Variants in RIT2 observed in about 807,000 individuals in gnomAD.
RIT2 encodes Ras like without CAAX 2.
In RIT2, 24 loss-of-function variants were observed where a neutral mutation model predicts 23.7. That is an observed-to-expected ratio of 1.01 (90% CI 0.73 to 1.43). The LOEUF (loss-of-function observed/expected upper bound fraction) is 1.43, where lower values mean the gene tolerates loss of function less well. RIT2 is among the 40% of genes most tolerant of loss of function. RIT2 has a pLI of 0.00. For missense variants in RIT2, 236 were observed against 266.9 expected (o/e 0.88, Z 0.81); for synonymous variants, 107 against 91.1 (o/e 1.17, Z -0.99).
intron 4 of RIT2, among the ~76,000 whole-genome samples, chr18:42,904,203 A>C (rs1200922889): frequency 6.6e-6 from 1 of 152,202 alleles, no homozygotes; most frequent in Non-Finnish European, 1.5e-5. Context: ...TTGCATCATA[A>C]ACCAAATAAA....
chr18:42,860,625 C>T (rs908470511), intron 4 of RIT2, among the ~76,000 whole-genome samples: 2 of 152,146 alleles, frequency 1.3e-5, no homozygotes, highest in South Asian at 2.1e-4. Flanking sequence ...ACTGAGAATA[C>T]CCTCTCTAGG....
At position 42,880,139 on chromosome 18, in the gene RIT2, G is replaced by C. The variant is rs151193319; in HGVS notation, c.426+43433C>G. 5.0e-3 allele frequency among the ~76,000 whole-genome samples: 754 copies of C among 152,148 alleles called. 1 individual carries two copies. The highest frequency in any genetic ancestry group is 5.4e-3 in the Non-Finnish European group (366 of 68,006). On this transcript the variant is annotated intron_variant, in intron 4 of 4. Transcript: ENST00000326695. ...CCAATCTTTTTGTACCTGGGAGAGG[G>C]ATAATAGTATAGTTGTGTGGCAAAA...
intron 4 of RIT2, among the ~76,000 whole-genome samples, chr18:42,916,006 G>C (rs1908900346): frequency 6.6e-6 from 1 of 151,652 alleles, no homozygotes; most frequent in South Asian, 2.1e-4. Flanking sequence ...TAGGTTCTAT[G>C]CTCTTATAGT....
intron 4 of RIT2, among the ~76,000 whole-genome samples, chr18:42,839,875 CTA>C (rs571015003): frequency 2.1e-3 from 318 of 152,294 alleles, no homozygotes; most frequent in African/African-American, 7.2e-3. Flanking sequence ...CCATTCCACT[CTA>C]TGTCAGACTT....
At chr18:42,886,264 A>T (rs1908019964) in intron 4 of RIT2, among the ~76,000 whole-genome samples, 1 of 152,236 alleles carries the variant, frequency 6.6e-6, no homozygotes, top group African/African-American at 2.4e-5. Context: ...CAACAGAGGA[A>T]TGAGTACTTT....
Position 42,926,991 on chromosome 18 carries a change from C to T in RIT2, c.235-3228G>A, listed in dbSNP as rs1944408. Among the ~76,000 whole-genome samples, 1,037 of 152,006 alleles carry T rather than the reference C, an allele frequency of 6.8e-3. 18 individuals carry two copies. The highest frequency in any genetic ancestry group is 0.024 in the African/African-American group (991 of 41,522). ...TTTGTTAAAGATGGATTAGGACACACACTTAACCAGTCTTACAGGGCAGTA... is the reference window on the plus strand; with the variant it reads ...TTTGTTAAAGATGGATTAGGACACATACTTAACCAGTCTTACAGGGCAGTA... On this transcript the variant is annotated intron_variant, in intron 3 of 4. Transcript: ENST00000326695.
intron 4 of RIT2, among the ~76,000 whole-genome samples, chr18:42,763,673 C>A (rs900926326): frequency 6.6e-6 from 1 of 152,086 alleles, no homozygotes; most frequent in Non-Finnish European, 1.5e-5. Context: ...TTAAATTAAT[C>A]TCAGCTGACT....
intron 4 of RIT2, among the ~76,000 whole-genome samples, chr18:42,838,372 A>C (rs548619241): frequency 6.6e-5 from 10 of 151,958 alleles, no homozygotes; most frequent in Non-Finnish European, 1.3e-4. Flanking sequence ...ATGGACTGGA[A>C]TCCTGATGGA....
At chr18:42,806,362 G>A (rs1905684635) in intron 4 of RIT2, among the ~76,000 whole-genome samples, 1 of 151,864 alleles carries the variant, frequency 6.6e-6, no homozygotes, top group African/African-American at 2.4e-5. Flanking sequence ...CCAGCTACTT[G>A]GGAGGATGAG....
chr18:42,972,848 G>A (rs560889216), intron 3 of RIT2, among the ~76,000 whole-genome samples: 1 of 151,862 alleles, frequency 6.6e-6, no homozygotes, highest in Non-Finnish European at 1.5e-5. Context: ...GAAGTATTCT[G>A]TTTAAGTTAA....
chr18:43,114,354 C>A (rs1214377831), intron 1 of RIT2, among the ~76,000 whole-genome samples: 2 of 152,028 alleles, frequency 1.3e-5, no homozygotes, highest in Non-Finnish European at 2.9e-5. Flanking sequence ...CTTCCTCTTC[C>A]TTTACTGTTC....
At chr18:42,940,095 G>T (rs1909558923) in intron 3 of RIT2, among the ~76,000 whole-genome samples, 1 of 151,134 alleles carries the variant, frequency 6.6e-6, no homozygotes, top group African/African-American at 2.4e-5. Context: ...TACATTTTAT[G>T]CCCCCATGCA....
At chr18:43,110,261 T>C (rs887722321) in intron 1 of RIT2, among the ~76,000 whole-genome samples, 10 of 152,098 alleles carry the variant, frequency 6.6e-5, no homozygotes, top group African/African-American at 2.2e-4. Context: ...ATACCCACTA[T>C]GTACCCATAA....
chr18:42,952,481 T>C (rs1022009724), intron 3 of RIT2, among the ~76,000 whole-genome samples: 1 of 152,054 alleles, frequency 6.6e-6, no homozygotes, highest in South Asian at 2.1e-4. Flanking sequence ...CTATAGTTAG[T>C]GATACTGTAT....
intron 1 of RIT2, among the ~76,000 whole-genome samples, chr18:43,063,760 A>C (rs1327710799): frequency 6.6e-6 from 1 of 152,180 alleles, no homozygotes; most frequent in Non-Finnish European, 1.5e-5. Context: ...CAAGGACTGC[A>C]TACTTCTTTC....
chr18:42,873,297 A>G (rs73471636), intron 4 of RIT2, among the ~76,000 whole-genome samples: 19,809 of 152,158 alleles, frequency 0.13, 1,319 homozygotes, highest in Middle Eastern at 0.26. Flanking sequence ...TTCCCTAAGG[A>G]CAGAAGCCTT....
chr18:42,805,363 T>C (rs1284947840), intron 4 of RIT2, among the ~76,000 whole-genome samples: 1 of 152,190 alleles, frequency 6.6e-6, no homozygotes, highest in Non-Finnish European at 1.5e-5. Flanking sequence ...CAAGATATTA[T>C]TTAGTTGAAA....
chr18:42,920,675 G>A (rs1378877532), intron 4 of RIT2: 4 of 1,547,034 alleles, frequency 2.6e-6, no homozygotes, highest in Non-Finnish European at 3.5e-6. Context: ...AATGCATTAA[G>A]AATACAGGCA....
chr18:42,849,779 C>T (rs1907001360), intron 4 of RIT2, among the ~76,000 whole-genome samples: 2 of 152,006 alleles, frequency 1.3e-5, no homozygotes, highest in Non-Finnish European at 2.9e-5. Flanking sequence ...TGTTTCTAAC[C>T]CAATCCAGCT....
Sources: gnomAD v4.1 joint callset for allele counts (sites outside exome capture counted in the v4.1 genomes callset) on GRCh38, gnomAD v4.1.1 for gene constraint, MANE v1.5 for transcripts, NCBI Gene and HGNC (gene_info 2026-07-23, HGNC 2026-07-21) for gene names.